GPBP1L1: variants seen among roughly 807,000 people sequenced by gnomAD.
The protein encoded by GPBP1L1 is GC-rich promoter binding protein 1 like 1.
GPBP1L1 carries 23 observed loss-of-function variants against 52.5 expected under a neutral mutation model. The observed-to-expected ratio is 0.44, with a 90% CI of 0.32 to 0.62. GPBP1L1 has a LOEUF of 0.62. Among genes scored for constraint, GPBP1L1 ranks in the 20% least tolerant of loss-of-function variants. The pLI, the probability that GPBP1L1 is intolerant of heterozygous loss-of-function variation, is 0.06. For synonymous variants in GPBP1L1, 243 were observed against 203.1 expected (o/e 1.20, Z -1.67); for missense variants, 596 against 579.3 (o/e 1.03, Z -0.30).
At chr1:45,649,675 T>C (rs1208573755) in intron 6 of GPBP1L1, among the ~76,000 whole-genome samples, 2 of 152,196 alleles carry the variant, frequency 1.3e-5, no homozygotes, top group African/African-American at 4.8e-5. Context: ...TTTAATATTT[T>C]TTAATACTAA....
chr1:45,647,595 G>C (rs1192950344), intron 6 of GPBP1L1, among the ~76,000 whole-genome samples: 1 of 152,164 alleles, frequency 6.6e-6, no homozygotes, highest in Non-Finnish European at 1.5e-5. Context: ...TTTACTTCCT[G>C]TTCCTGTGTG....
At chr1:45,660,101 T>C (rs1644931052) in intron 3 of GPBP1L1, 83 bp downstream of exon 3, 3 of 816,058 alleles carry the variant, frequency 3.7e-6, no homozygotes, top group Non-Finnish European at 4.4e-6. Context: ...CCAAAATTAA[T>C]TACATCAGAA....
rs1305631038 is a variant in GPBP1L1 at position 45,647,165 on chromosome 1, G to T, written c.478-4666C>A. 1.2e-4 allele frequency among the ~76,000 whole-genome samples: 13 copies of T among 107,720 alleles called. No individual in the cohort carries two copies. In the South Asian group the frequency reaches 2.6e-3, roughly 22 times the overall value. 70.7% of individuals were successfully genotyped at this position (107,720 alleles called of 152,430 possible). A position where few individuals can be genotyped will look rare whatever the true frequency, so the allele number is the denominator to read the frequency against. On this transcript the variant is annotated intron_variant, in intron 6 of 12. Coordinates refer to ENST00000355105, the MANE Select transcript of GPBP1L1 (RefSeq NM_021639.5). ...TTTTTTTTTTAAACCAACTTCTTAG[G>T]ATTTTTTTTTTTTTTTTTCTGAGAC...
chr1:45,630,736 T>C (rs530774018), intron 10 of GPBP1L1, 130 bp from the exon 11 acceptor site: 18 of 1,022,410 alleles, frequency 1.8e-5, no homozygotes, highest in Admixed American at 2.9e-5. Context: ...ACAGATTTTT[T>C]TCCCCATTTA....
intron 8 of GPBP1L1, among the ~76,000 whole-genome samples, chr1:45,639,205 TG>T (rs1316458572): frequency 5.4e-4 from 1 of 1,866 alleles, no homozygotes; most frequent in Non-Finnish European, 9.8e-3. Context: ...TATATTCAAT[TG>T]TTTTTGGAAT....
intron 2 of GPBP1L1, among the ~76,000 whole-genome samples, chr1:45,667,904 G>GT (rs1436778433): frequency 6.6e-6 from 1 of 151,876 alleles, no homozygotes; most frequent in African/African-American, 2.4e-5. Context: ...TGTGTGACCT[G>GT]TATTTTGTAT....
intron 2 of GPBP1L1, among the ~76,000 whole-genome samples, chr1:45,680,734 C>T (rs1475690411): frequency 3.3e-5 from 5 of 151,964 alleles, no homozygotes; most frequent in Non-Finnish European, 7.4e-5. Context: ...AAATACCTAC[C>T]TAATTTGGAG....
Position 45,660,301 on chromosome 1 carries a change from T to G in GPBP1L1, c.-173A>C. On this transcript the variant is annotated 5_prime_UTR_variant, in exon 3 of 13. Transcript: ENST00000355105. ...ACCTGGCCGGCAGCACGACTTATGA[T>G]GAAGCACGAAGAAGCCAGGTTCTGT... 1.0e-6 allele frequency: 1 copy of G among 985,348 alleles called. No individual in the cohort carries two copies. Among genetic ancestry groups the G allele is most frequent in the Non-Finnish European group, 1.2e-6 (1 of 829,922 alleles). The allele number at this position is 985,348 out of a possible 1,614,324, so 61.0% of individuals were successfully genotyped here.
At chr1:45,643,577 T>C (rs1329654200) in intron 6 of GPBP1L1, among the ~76,000 whole-genome samples, 2 of 147,888 alleles carry the variant, frequency 1.4e-5, no homozygotes, top group South Asian at 2.2e-4. Context: ...TTAAGAGCAA[T>C]AGACTAGACT....
At chr1:45,686,675 C>A (rs1645292694), upstream of GPBP1L1, 1 of 152,272 alleles carries the variant, frequency 6.6e-6, no homozygotes, top group Admixed American at 6.5e-5. Context: ...TCCGGCGACC[C>A]TCCCGGACGC....
At chr1:45,632,086 T>C (rs1644538278) in intron 10 of GPBP1L1, among the ~76,000 whole-genome samples, 1 of 152,110 alleles carries the variant, frequency 6.6e-6, no homozygotes, top group Non-Finnish European at 1.5e-5. Flanking sequence ...CAGAAAATAG[T>C]ATACTCTTTC....
intron 2 of GPBP1L1, among the ~76,000 whole-genome samples, chr1:45,685,256 A>C (rs574401596): frequency 5.9e-5 from 9 of 152,348 alleles, no homozygotes; most frequent in African/African-American, 2.2e-4. Flanking sequence ...TCAGCAGTCT[A>C]CTAAATTACA....
chr1:45,655,949 T>A (rs1307076613), intron 4 of GPBP1L1: 1 of 152,402 alleles, frequency 6.6e-6, no homozygotes, highest in East Asian at 1.9e-4. Context: ...TTCTAAATTT[T>A]TTGTAGAGAT....
At chr1:45,681,149 T>A (rs1346682724) in intron 2 of GPBP1L1, among the ~76,000 whole-genome samples, 1 of 151,808 alleles carries the variant, frequency 6.6e-6, no homozygotes, top group Non-Finnish European at 1.5e-5. Context: ...CAAACGAGAG[T>A]AAATAAACCA....
intron 2 of GPBP1L1, among the ~76,000 whole-genome samples, chr1:45,667,822 A>T (rs1645028283): frequency 6.6e-6 from 1 of 152,180 alleles, no homozygotes; most frequent in Admixed American, 6.5e-5. Context: ...ATCTTGGCTC[A>T]CTGCAACCCC....
At position 45,654,724 on chromosome 1, in the gene GPBP1L1, G is replaced by A. The variant is rs1557708001; in HGVS notation, c.296C>T (p.Ser99Phe). 1 of 1,614,212 alleles carries A rather than the reference G, an allele frequency of 6.2e-7. No homozygotes were observed. Among genetic ancestry groups the A allele is most frequent in the South Asian group, 1.1e-5 (1 of 91,088 alleles). The part of the protein sequence containing the change: ...ITGNPSGWHS[S>F]SRGHDGMSQR... Reference sequence around the variant, plus strand: ...GCTCATGCCATCATGACCTCGGGAAGAGCTATGCCAACCAGATGGGTTCCC... The same window carrying A: ...GCTCATGCCATCATGACCTCGGGAAAAGCTATGCCAACCAGATGGGTTCCC... The change falls in exon 6 of 13, where the codon TCT becomes TTT. Residue 99 changes from serine to phenylalanine, a missense_variant. Coordinates refer to ENST00000355105, the MANE Select transcript of GPBP1L1 (RefSeq NM_021639.5).
chr1:45,632,577 G>T (rs190669069), intron 10 of GPBP1L1, among the ~76,000 whole-genome samples: 1 of 152,112 alleles, frequency 6.6e-6, no homozygotes, highest in Non-Finnish European at 1.5e-5. Flanking sequence ...TTAGCTGGGC[G>T]TGGTGGCGGG....
chr1:45,664,978 T>C (rs1340271348), intron 2 of GPBP1L1, among the ~76,000 whole-genome samples: 3 of 151,646 alleles, frequency 2.0e-5, no homozygotes, highest in Admixed American at 2.0e-4. Context: ...GCACCTGGCC[T>C]CATAGAACTG....
intron 5 of GPBP1L1, 21 bp from the exon 6 acceptor site, chr1:45,654,850 A>G (rs765614167): frequency 1.2e-5 from 19 of 1,604,398 alleles, no homozygotes; most frequent in Non-Finnish European, 1.3e-5. Context: ...AAAGAAAAGG[A>G]CTAATTAGAT....
Sources: gnomAD v4.1 joint callset for allele counts (sites outside exome capture counted in the v4.1 genomes callset) on GRCh38, gnomAD v4.1.1 for gene constraint, MANE v1.5 for transcripts, NCBI Gene and HGNC (gene_info 2026-07-23, HGNC 2026-07-21) for gene names.